ARCN1: variants seen among roughly 807,000 people sequenced by gnomAD.
ARCN1 encodes archain 1 coat protein complex I subunit delta, also known as coatomer subunit delta.
In ARCN1, 5 loss-of-function variants were observed where a neutral mutation model predicts 60.4. The observed-to-expected ratio is 0.08, with a 90% CI of 0.04 to 0.17. The LOEUF (loss-of-function observed/expected upper bound fraction) is 0.17, where lower values mean the gene tolerates loss of function less well. ARCN1 is among the 10% of genes least tolerant of loss of function. ARCN1 has a pLI of 1.00. For missense variants in ARCN1, 464 were observed against 626.5 expected (o/e 0.74, Z 2.77); for synonymous variants, 224 against 220.0 (o/e 1.02, Z -0.16).
rs1555074931 is a variant in ARCN1 at position 118,583,265 on chromosome 11, A to G, written c.354A>G (p.Ala118=). 9.9e-6 allele frequency: 16 copies of G among 1,614,184 alleles called. No homozygotes were observed. The highest frequency in any genetic ancestry group is 1.4e-5 in the Non-Finnish European group (16 of 1,180,028). ...DLIFAFDEIV[A]LGYRENVNLA... ...TTTTTGCTTTTGATGAAATTGTCGC[A>G]CTGGGATACCGGGAGAATGTTAACT... is the stretch of plus-strand genomic sequence containing the variant. The change falls in exon 3 of 10, where the codon GCA becomes GCG. Residue 118 remains alanine (A), a synonymous_variant. Coordinates refer to ENST00000264028, the MANE Select transcript of ARCN1 (RefSeq NM_001655.5).
intron 5 of ARCN1, among the ~76,000 whole-genome samples, chr11:118,589,020 A>AAACAAC (rs141567668): frequency 0.013 from 2,006 of 152,122 alleles, 41 homozygotes; most frequent in African/African-American, 0.043. Context: ...CTCTATCTCA[A>AAACAAC]AACAACAACA....
intron 2 of ARCN1, among the ~76,000 whole-genome samples, chr11:118,582,229 A>G (rs1360527202): frequency 6.6e-6 from 1 of 151,746 alleles, no homozygotes; most frequent in African/African-American, 2.4e-5. Context: ...TGCAACCTCC[A>G]CCTCCCAGGT....
rs544775556 is a variant in ARCN1, at chr11:118,602,383, G to C, written c.*1669G>C. Reference sequence around the variant, plus strand: ...TTTAACTCAATATTCCAGTCCATAGGGGTGGTTAAAAGTTGCTGCAAGGCT... The same window carrying C: ...TTTAACTCAATATTCCAGTCCATAGCGGTGGTTAAAAGTTGCTGCAAGGCT... On this transcript the variant is annotated 3_prime_UTR_variant, in exon 10 of 10. Transcript: ENST00000264028. The C allele has an allele frequency of 6.5e-6, 1 of 153,890 alleles. No homozygotes were observed. The highest frequency in any genetic ancestry group is 2.1e-4 in the South Asian group (1 of 4,826). The allele number at this position is 153,890 out of a possible 1,614,324, so 9.5% of individuals were successfully genotyped here.
At chr11:118,599,118 G>T (rs1291903450) in intron 9 of ARCN1, among the ~76,000 whole-genome samples, 1 of 139,620 alleles carries the variant, frequency 7.2e-6, no homozygotes, top group African/African-American at 2.7e-5. Flanking sequence ...TTAAGACGGA[G>T]TTTCACTCTT....
rs781932838 is a variant in ARCN1 at position 118,583,160 on chromosome 11, T to C, written c.268-19T>C. On this transcript the variant is annotated intron_variant, in intron 2 of 9. Transcript: ENST00000264028. ...TGATAAATTCTAAATCTTTCTTTTT[T>C]ATTGGTGTCCACGCTTAGATCCCTG... 3 of 1,612,034 alleles carry C rather than the reference T, an allele frequency of 1.9e-6. No homozygotes were observed. Among genetic ancestry groups the C allele is most frequent in the Non-Finnish European group, 2.5e-6 (3 of 1,179,082 alleles).
At chr11:118,597,641 G>T (rs1184989141) in intron 8 of ARCN1, 66 bp from the exon 9 acceptor site, 29 of 1,560,254 alleles carry the variant, frequency 1.9e-5, no homozygotes, top group Non-Finnish European at 2.5e-5. Flanking sequence ...CAAATTTGGG[G>T]TTGGTTTTCC....
At chr11:118,572,842 G>A in intron 1 of ARCN1, 4 of 417,860 alleles carry the variant, frequency 9.6e-6, no homozygotes, top group Non-Finnish European at 1.3e-5. Flanking sequence ...TTTGCTCTGC[G>A]AGAACTTCGT....
chr11:118,578,914 AAAG>A (rs1938588513), intron 1 of ARCN1, among the ~76,000 whole-genome samples: 1 of 146,740 alleles, frequency 6.8e-6, no homozygotes, highest in African/African-American at 2.5e-5. Flanking sequence ...TTTAATAAAA[AAAG>A]AAAAATCCAT....
At chr11:118,589,567 G>A (rs1166077043) in intron 5 of ARCN1, among the ~76,000 whole-genome samples, 4 of 151,988 alleles carry the variant, frequency 2.6e-5, no homozygotes, top group African/African-American at 9.7e-5. Flanking sequence ...GTAGGCGCCC[G>A]TCACCACACC....
Position 118,581,347 on chromosome 11 carries a change from T to C in ARCN1, c.105T>C (p.Ala35=). The C allele has an allele frequency of 6.2e-7, 1 of 1,614,230 alleles. No homozygotes were observed. The highest frequency in any genetic ancestry group is 8.5e-7 in the Non-Finnish European group (1 of 1,180,050). The part of the protein sequence containing the change: ...TRTRIEGLLA[A]FPKLMNTGKQ... ...CTCGGATTGAGGGCTTATTAGCAGCTTTTCCAAAGCTCATGAACACTGGAA... is the reference window on the plus strand; with the variant it reads ...CTCGGATTGAGGGCTTATTAGCAGCCTTTCCAAAGCTCATGAACACTGGAA... The change falls in exon 2 of 10, where the codon GCT becomes GCC. Residue 35 remains alanine, a synonymous_variant. Coordinates refer to ENST00000264028, the MANE Select transcript of ARCN1 (RefSeq NM_001655.5).
Position 118,602,462 on chromosome 11 carries a change from G to A in ARCN1, c.*1748G>A, listed in dbSNP as rs1555078326. ...CGACTAGATGACTTCTGCACTTTTA[G>A]CTGGTTGAAAAGTACCACTCCCACT... On this transcript the variant is annotated 3_prime_UTR_variant, in exon 10 of 10. Transcript: ENST00000264028. The A allele has an allele frequency of 1.3e-5, 2 of 153,788 alleles. No individual in the cohort carries two copies. Among genetic ancestry groups the A allele is most frequent in the African/African-American group, 4.8e-5 (2 of 41,440 alleles). 9.5% of individuals were successfully genotyped at this position (153,788 alleles called of 1,614,324 possible).
chr11:118,584,697 T>G (rs930212467), intron 5 of ARCN1, 53 bp downstream of exon 5: 8 of 1,436,638 alleles, frequency 5.6e-6, no homozygotes, highest in African/African-American at 1.5e-5. Flanking sequence ...TCCACATAAT[T>G]TTTTAAAAAT....
At chr11:118,584,092 G>A (rs1333504677) in intron 4 of ARCN1, 78 bp downstream of exon 4, 16 of 1,391,052 alleles carry the variant, frequency 1.2e-5, no homozygotes, top group Middle Eastern at 2.4e-4. Context: ...CTGATTTCTT[G>A]GAAAGCTGTA....
chr11:118,574,229 A>G (rs935164584), intron 1 of ARCN1, among the ~76,000 whole-genome samples: 2 of 152,152 alleles, frequency 1.3e-5, no homozygotes, highest in Non-Finnish European at 2.9e-5. Flanking sequence ...CTGGAGAACA[A>G]TTTATCTCAG....
At chr11:118,575,414 G>A (rs1938471068) in intron 1 of ARCN1, among the ~76,000 whole-genome samples, 1 of 149,666 alleles carries the variant, frequency 6.7e-6, no homozygotes, top group Non-Finnish European at 1.5e-5. Context: ...GATAACGGGT[G>A]TGTGTGTGTG....
rs374528659 is a variant in ARCN1 at position 118,583,833 on chromosome 11, G to C, written c.472G>C (p.Glu158Gln). 1.7e-5 allele frequency: 28 copies of C among 1,614,074 alleles called. No homozygotes were observed. Among genetic ancestry groups the C allele is most frequent in the Non-Finnish European group, 2.2e-5 (26 of 1,180,044 alleles). Residue 158 changes from glutamate (E) to glutamine (Q), a missense_variant, in exon 4 of 10, where the codon GAG (glutamate) becomes CAG (glutamine). By Grantham distance (29) the Glu-to-Gln change is conservative. This residue lies in a region of ARCN1 where 359 missense variants were observed against 440.2 expected (regional missense o/e 0.82). Coordinates refer to ENST00000264028, the MANE Select transcript of ARCN1 (RefSeq NM_001655.5). ...RETQEREAKA[E>Q]MRRKAKELQQ... is the part of the protein sequence containing the mutation. ...GACTCAAGAACGTGAAGCTAAGGCT[G>C]AGATGCGTCGTAAAGCAAAGGAATT...
At chr11:118,600,571 C>A in intron 9 of ARCN1, 54 bp from the exon 10 acceptor site, 2 of 1,228,346 alleles carry the variant, frequency 1.6e-6, no homozygotes, top group Non-Finnish European at 1.2e-6. Context: ...ATGTAGTCAA[C>A]ATGATGGAGA....
chr11:118,600,783 A>T lies in ARCN1; in HGVS notation c.*69A>T. The stretch of plus-strand genomic sequence containing the variant: ...AAGAAGACGCCAATGATGGCTGAAG[A>T]GTTTTTCCCAGATTTACAAGCCACT... On this transcript the variant is annotated 3_prime_UTR_variant, in exon 10 of 10. Coordinates refer to ENST00000264028, the MANE Select transcript of ARCN1 (RefSeq NM_001655.5). The T allele has an allele frequency of 8.8e-7, 1 of 1,133,732 alleles. No homozygotes were observed. The highest frequency in any genetic ancestry group is 1.3e-6 in the Non-Finnish European group (1 of 779,094). The allele number at this position is 1,133,732 out of a possible 1,614,324, so 70.2% of individuals were successfully genotyped here.
At chr11:118,588,110 C>T (rs1163117729) in intron 5 of ARCN1, among the ~76,000 whole-genome samples, 1 of 152,104 alleles carries the variant, frequency 6.6e-6, no homozygotes, top group African/African-American at 2.4e-5. Flanking sequence ...CTTCCCAGAC[C>T]CTGTCCTCTT....
Sources: gnomAD v4.1 joint callset for allele counts (sites outside exome capture counted in the v4.1 genomes callset) on GRCh38, gnomAD v4.1.1 for gene constraint, gnomAD v4.1.1 regional missense constraint, MANE v1.5 for transcripts, NCBI Gene and HGNC (gene_info 2026-07-23, HGNC 2026-07-21) for gene names.